Variants in CNGB3 observed in about 807,000 individuals in gnomAD.
CNGB3 encodes cyclic nucleotide-gated channel beta-3.
In CNGB3, 86 loss-of-function variants were observed where a neutral mutation model predicts 92.8. The observed-to-expected ratio is 0.93, with a 90% CI of 0.78 to 1.11. The LOEUF is 1.11. CNGB3 is among the 50% of genes least tolerant of loss of function. The pLI is 0.00. For synonymous variants in CNGB3, 333 were observed against 332.7 expected (o/e 1.00, Z -0.01); for missense variants, 1,026 against 956.8 (o/e 1.07, Z -0.95).
intron 7 of CNGB3, among the ~76,000 whole-genome samples, chr8:86,651,246 T>C (rs1398805374): frequency 6.6e-6 from 1 of 151,594 alleles, no homozygotes; most frequent in Non-Finnish European, 1.5e-5. Flanking sequence ...AATCTCATAA[T>C]TTACCACTAT....
intron 14 of CNGB3, among the ~76,000 whole-genome samples, chr8:86,610,636 T>C (rs1822500106): frequency 6.6e-6 from 1 of 152,228 alleles, no homozygotes; most frequent in Admixed American, 6.5e-5. Flanking sequence ...CCTCTCATCT[T>C]TGTTCGCTTG....
intron 11 of CNGB3, among the ~76,000 whole-genome samples, chr8:86,631,476 C>T (rs1476606384): frequency 6.6e-6 from 1 of 152,106 alleles, no homozygotes; most frequent in Non-Finnish European, 1.5e-5. Context: ...AGGGATGCCT[C>T]TTAATCTCTT....
chr8:86,732,399 C>T (rs1385123143), intron 2 of CNGB3, among the ~76,000 whole-genome samples: 2 of 152,110 alleles, frequency 1.3e-5, no homozygotes, highest in Non-Finnish European at 2.9e-5. Context: ...GTCAGTCAGA[C>T]TACTCCCTTT....
At chr8:86,689,246 G>A (rs1373837226) in intron 3 of CNGB3, among the ~76,000 whole-genome samples, 2 of 151,492 alleles carry the variant, frequency 1.3e-5, no homozygotes, top group Admixed American at 6.6e-5. Flanking sequence ...AAGAATTTGT[G>A]CTCTGTAGCC....
intron 15 of CNGB3, among the ~76,000 whole-genome samples, chr8:86,600,990 A>G (rs1400500024): frequency 6.6e-6 from 1 of 151,926 alleles, no homozygotes; most frequent in Non-Finnish European, 1.5e-5. Context: ...CAAATTAATT[A>G]TAAATCAGTA....
Position 86,668,026 on chromosome 8 carries a change from T to A in CNGB3, c.636A>T (p.Ser212=). ...KRIKLPNSID[S]YTDRLYLLWL... ...TTCACCCTTTGATAATACCTGTGTA[T>A]GAATCTATGCTGTTTGGAAGTTTAA... Residue 212 remains serine (S), a synonymous_variant, in exon 5 of 18, where the codon TCA becomes TCT. Coordinates refer to ENST00000320005, the MANE Select transcript of CNGB3 (RefSeq NM_019098.5). The A allele has an allele frequency of 6.2e-7, 1 of 1,614,090 alleles. No homozygotes were observed. The highest frequency in any genetic ancestry group is 8.5e-7 in the Non-Finnish European group (1 of 1,179,992).
intron 3 of CNGB3, among the ~76,000 whole-genome samples, chr8:86,674,326 A>G (rs1345693577): frequency 6.6e-6 from 1 of 152,238 alleles, no homozygotes; most frequent in Non-Finnish European, 1.5e-5. Context: ...GCTGAAATTC[A>G]CATGAAAAAG....
Position 86,575,989 on chromosome 8 carries a change from T to G in CNGB3, c.2245A>C (p.Lys749Gln). The change falls in exon 18 of 18, where the codon AAG (lysine) becomes CAG (glutamine). Residue 749 changes from lysine (K) to glutamine (Q), a missense_variant. Physicochemically the swap from Lys to Gln is moderately conservative, Grantham distance 53. Transcript: ENST00000320005. The stretch of plus-strand genomic sequence containing the variant: ...GTACATTCAGGTCTGTCCAGTGGCT[T>G]CTCTTCTGGCTCTCTTCCTTTATCT... ...DKDKGREPEEKPLDRPECTAS... is the reference protein window; with the variant it reads ...DKDKGREPEEQPLDRPECTAS... The G allele has an allele frequency of 6.2e-7, 1 of 1,614,034 alleles. No homozygotes were observed.
intron 2 of CNGB3, among the ~76,000 whole-genome samples, chr8:86,738,613 G>T (rs1183531788): frequency 6.6e-6 from 1 of 152,150 alleles, no homozygotes; most frequent in Admixed American, 6.5e-5. Flanking sequence ...GCCAAGGCGG[G>T]AGGATCACGA....
chr8:86,709,526 A>C (rs1824711345), intron 3 of CNGB3, among the ~76,000 whole-genome samples: 1 of 152,162 alleles, frequency 6.6e-6, no homozygotes, highest in Non-Finnish European at 1.5e-5. Context: ...GGTAGAAGCA[A>C]TTTACCTAGC....
rs1824610498 is a variant in CNGB3 at position 86,704,201 on chromosome 8, TAAAG to T, written c.338+22326_338+22329del. The stretch of plus-strand genomic sequence containing the variant: ...AGAAGAGAAAATGTTATTAAAATCA[TAAAG>T]AAGAGACCATATATTTACTATTGCC... On this transcript the variant is annotated intron_variant, in intron 3 of 17. Coordinates refer to ENST00000320005, the MANE Select transcript of CNGB3 (RefSeq NM_019098.5). The T allele has an allele frequency of 3.3e-5, 5 of 152,230 alleles. No homozygotes were observed. The East Asian group carries it at 9.6e-4, about 29-fold the overall frequency. 9.4% of individuals were successfully genotyped at this position (152,230 alleles called of 1,614,324 possible).
At chr8:86,659,147 G>A (rs1823579054) in intron 6 of CNGB3, 2 of 713,014 alleles carry the variant, frequency 2.8e-6, no homozygotes, top group South Asian at 1.6e-5. Context: ...CCCGAGTCAT[G>A]CTGTGCTCCT....
chr8:86,690,086 G>C (rs1222395937), intron 3 of CNGB3, among the ~76,000 whole-genome samples: 1 of 152,154 alleles, frequency 6.6e-6, no homozygotes, highest in Non-Finnish European at 1.5e-5. Flanking sequence ...CCAGTAATGG[G>C]ATGGCTGGGT....
intron 3 of CNGB3, among the ~76,000 whole-genome samples, chr8:86,716,950 A>G (rs559214345): frequency 1.1e-4 from 17 of 152,302 alleles, no homozygotes; most frequent in African/African-American, 3.4e-4. Context: ...ATTCACCAAC[A>G]AAGTGTCTGG....
intron 3 of CNGB3, among the ~76,000 whole-genome samples, chr8:86,696,934 T>A (rs765288624): frequency 5.3e-5 from 8 of 152,136 alleles, no homozygotes; most frequent in Non-Finnish European, 7.4e-5. Context: ...AGTATATTAT[T>A]TGCAACCCTC....
Position 86,667,248 on chromosome 8 carries a change from G to A in CNGB3, c.644-115C>T, listed in dbSNP as rs568048072. 284 of 862,458 alleles carry A rather than the reference G, an allele frequency of 3.3e-4. 4 individuals carry two copies. In the South Asian group the frequency reaches 3.8e-3, roughly 12 times the overall value. 53.4% of individuals were successfully genotyped at this position (862,458 alleles called of 1,614,324 possible). ...CCCTCTACAGAGTAATTTGCCATAG[G>A]AGGCTCTATTAAACATTCAACACCA... is the stretch of plus-strand genomic sequence containing the variant. On this transcript the variant is annotated intron_variant, in intron 5 of 17. Transcript: ENST00000320005.
Position 86,708,540 on chromosome 8 carries a change from CTTTCTTTTCT to C in CNGB3, c.338+17981_338+17990del, listed in dbSNP as rs145494200. ...AATAAAAGCTTTTTTTCTTTACTTT[CTTTCTTTTCT>C]TTTCTTTTCTTAATTTTTTTTTTTT... On this transcript the variant is annotated intron_variant, in intron 3 of 17. Coordinates refer to ENST00000320005, the MANE Select transcript of CNGB3 (RefSeq NM_019098.5). Among the ~76,000 whole-genome samples, 116 of 145,220 alleles carry C rather than the reference CTTTCTTTTCT, an allele frequency of 8.0e-4. No homozygotes were observed. In the East Asian group the frequency reaches 0.019, roughly 24 times the overall value.
chr8:86,653,539 T>C (rs1217958956), intron 7 of CNGB3, among the ~76,000 whole-genome samples: 1 of 152,006 alleles, frequency 6.6e-6, no homozygotes, highest in African/African-American at 2.4e-5. Flanking sequence ...ACTTAGAAAA[T>C]AATTATGGGC....
At chr8:86,579,361 T>G in intron 15 of CNGB3, 109 bp from the exon 16 acceptor site, 1 of 1,288,942 alleles carries the variant, frequency 7.8e-7, no homozygotes, top group Non-Finnish European at 1.1e-6. Flanking sequence ...TCAGAAATCA[T>G]TCCCTAGAGG....
Sources: gnomAD v4.1 joint callset for allele counts (sites outside exome capture counted in the v4.1 genomes callset) on GRCh38, gnomAD v4.1.1 for gene constraint, MANE v1.5 for transcripts, NCBI Gene and HGNC (gene_info 2026-07-23, HGNC 2026-07-21) for gene names.